Variants in ALDH18A1 observed in about 807,000 individuals in gnomAD.
ALDH18A1 encodes the protein aldehyde dehydrogenase 18 family member A1, also known as delta-1-pyrroline-5-carboxylate synthase.
Under a neutral mutation model 88.8 loss-of-function variants are expected in ALDH18A1, and 44 were observed. The observed-to-expected ratio is 0.50, with a 90% CI of 0.39 to 0.64. ALDH18A1 has a LOEUF of 0.64. Ranked by LOEUF, ALDH18A1 falls within the 30% of genes least tolerant of loss-of-function variation. The probability of loss-of-function intolerance (pLI) is 0.00; values close to 1 mark genes in which losing one functional copy is unlikely to be tolerated. For synonymous variants in ALDH18A1, 331 were observed against 372.1 expected (o/e 0.89, Z 1.27); for missense variants, 782 against 1,009.5 (o/e 0.77, Z 3.05).
At chr10:95,631,344 T>A (rs927009091) in intron 7 of ALDH18A1, among the ~76,000 whole-genome samples, 5 of 151,928 alleles carry the variant, frequency 3.3e-5, no homozygotes, top group African/African-American at 4.8e-5. Context: ...ACAAAAAAAA[T>A]CCACAATCTG....
rs759465204 is a variant in ALDH18A1, at chr10:95,653,303, G to A, written c.75C>T (p.Thr25=). The A allele has an allele frequency of 8.7e-6, 14 of 1,611,778 alleles. No homozygotes were observed. Among genetic ancestry groups the A allele is most frequent in the East Asian group, 2.2e-5 (1 of 44,858 alleles). ...TATGGTACATACGAGATCTGAAGAC[G>A]GTTGTACACTTGACCCAGGGCAGAA... The part of the protein sequence containing the change: ...QHLLPWVKCT[T]VFRSHCIQPS... The change falls in exon 2 of 18, where the codon ACC becomes ACT. Residue 25 remains threonine, a synonymous_variant. Transcript: ENST00000371224.
In ALDH18A1 at chr10:95,639,788, T is replaced by C. The variant is rs528717653; in HGVS notation, c.304-2352A>G. On this transcript the variant is annotated intron_variant, in intron 3 of 17. Coordinates refer to ENST00000371224, the MANE Select transcript of ALDH18A1 (RefSeq NM_002860.4). ...CATGGGTTCCCTTCTCCATCAGTTT[T>C]CCCCCTTGTAATTTTTTGTTAAACT... Among the ~76,000 whole-genome samples, 18 of 152,232 alleles carry C rather than the reference T, an allele frequency of 1.2e-4. 1 individual carries two copies. The South Asian group carries it at 3.7e-3, about 32-fold the overall frequency.
intron 10 of ALDH18A1, among the ~76,000 whole-genome samples, chr10:95,625,869 A>G (rs574645386): frequency 2.0e-5 from 3 of 152,234 alleles, no homozygotes; most frequent in East Asian, 1.9e-4. Flanking sequence ...CATGTTACAT[A>G]GAGTCTTACA....
chr10:95,631,766 C>A lies in ALDH18A1; in HGVS notation c.808+1193G>T, dbSNP rs369732279. On this transcript the variant is annotated intron_variant, in intron 7 of 17. Coordinates refer to ENST00000371224, the MANE Select transcript of ALDH18A1 (RefSeq NM_002860.4). ...TCAAAAAAAAAAAAAAAAAAAAAAA[C>A]AACTGAATAACAGCAATGATGTAAA... is the stretch of plus-strand genomic sequence containing the variant. 2.3e-3 allele frequency among the ~76,000 whole-genome samples: 185 copies of A among 80,474 alleles called. 2 individuals are homozygous for A. The highest frequency in any genetic ancestry group is 7.3e-3 in the African/African-American group (158 of 21,584). 52.8% of individuals were successfully genotyped at this position (80,474 alleles called of 152,430 possible). A position where few individuals can be genotyped will look rare whatever the true frequency, so the allele number is the denominator to read the frequency against.
chr10:95,618,231 T>TG (rs1291576018), intron 12 of ALDH18A1, among the ~76,000 whole-genome samples: 1 of 152,156 alleles, frequency 6.6e-6, no homozygotes, highest in Non-Finnish European at 1.5e-5. Context: ...AATGACACCT[T>TG]GTATTTCCCA....
chr10:95,632,684 A>T (rs552302186), intron 7 of ALDH18A1, among the ~76,000 whole-genome samples: 1 of 152,306 alleles, frequency 6.6e-6, no homozygotes, highest in South Asian at 2.1e-4. Context: ...ACTTCAAATA[A>T]GTGAATTGTA....
chr10:95,613,801 G>T lies in ALDH18A1; in HGVS notation c.1864C>A (p.Arg622=). 1 of 1,614,022 alleles carries T rather than the reference G, an allele frequency of 6.2e-7. No homozygotes were observed. The highest frequency in any genetic ancestry group is 8.5e-7 in the Non-Finnish European group (1 of 1,179,978). The part of the protein sequence containing the change: ...CNALETLLIH[R]DLLRTPLFDQ... ...AATAATGGTGTCCTGAGCAGATCCC[G>T]GTGGATTAACAAAGTCTCCAAAGCA... is the stretch of plus-strand genomic sequence containing the variant. The change falls in exon 15 of 18, where the codon CGG becomes AGG. Residue 622 remains arginine, a synonymous_variant. Transcript: ENST00000371224.
chr10:95,632,827 G>A, intron 7 of ALDH18A1, 132 bp downstream of exon 7: 1 of 794,472 alleles, frequency 1.3e-6, no homozygotes, highest in Non-Finnish European at 2.2e-6. Context: ...AAAGCCCTTT[G>A]TCAGAACATA....
At position 95,614,027 on chromosome 10, in the gene ALDH18A1, G is replaced by C. The variant is rs139035272; in HGVS notation, c.1740C>G (p.Ser580Arg). The C allele has an allele frequency of 2.9e-5, 47 of 1,614,054 alleles. No homozygotes were observed. Among genetic ancestry groups the C allele is most frequent in the Non-Finnish European group, 4.0e-5 (47 of 1,180,044 alleles). The change falls in exon 14 of 18, where the codon AGC becomes AGG. Residue 580 changes from serine (S) to arginine (R), a missense_variant. Ser to Arg is a moderately radical substitution (Grantham distance 110). Around this residue, in one of 3 missense-constraint regions of ALDH18A1, gnomAD observed 556 missense variants for 654.5 expected, o/e 0.85. Coordinates refer to ENST00000371224, the MANE Select transcript of ALDH18A1 (RefSeq NM_002860.4). The stretch of plus-strand genomic sequence containing the variant: ...CCACATACATGTGACAGATCCCTTC[G>C]CTGTGCCCCATCACTGGAATCCCCT... ...AAKGIPVMGH[S>R]EGICHMYVDS...
At chr10:95,614,272 G>T in intron 13 of ALDH18A1, 111 bp from the exon 14 acceptor site, 1 of 1,180,640 alleles carries the variant, frequency 8.5e-7, no homozygotes, top group South Asian at 1.3e-5. Flanking sequence ...AACTAAGTGA[G>T]ACACTGTGAA....
At chr10:95,634,501 A>T (rs2097876972) in intron 5 of ALDH18A1, among the ~76,000 whole-genome samples, 1 of 152,228 alleles carries the variant, frequency 6.6e-6, no homozygotes, top group Non-Finnish European at 1.5e-5. Flanking sequence ...TATTAGACAA[A>T]ATGGAATAGG....
intron 2 of ALDH18A1, among the ~76,000 whole-genome samples, chr10:95,644,387 T>C (rs1164494624): frequency 2.0e-5 from 3 of 152,188 alleles, no homozygotes; most frequent in Non-Finnish European, 4.4e-5. Context: ...CTTTTTCTTG[T>C]AACACTGTAC....
At chr10:95,652,500 C>T (rs2097911875) in intron 2 of ALDH18A1, among the ~76,000 whole-genome samples, 1 of 152,012 alleles carries the variant, frequency 6.6e-6, no homozygotes, top group Admixed American at 6.5e-5. Context: ...GGGAGGGAGG[C>T]CGAGGCGGGC....
Position 95,606,406 on chromosome 10 carries a change from C to A in ALDH18A1, c.*356G>T. The A allele has an allele frequency of 8.8e-7, 1 of 1,139,116 alleles. No homozygotes were observed. The allele number at this position is 1,139,116 out of a possible 1,614,324, so 70.6% of individuals were successfully genotyped here. The stretch of plus-strand genomic sequence containing the variant: ...TGTTAAGGATGACTGGCTCTAGTAC[C>A]AACTAAATGCCAAGGGGGACTGTAA... On this transcript the variant is annotated 3_prime_UTR_variant, in exon 18 of 18. Coordinates refer to ENST00000371224, the MANE Select transcript of ALDH18A1 (RefSeq NM_002860.4).
chr10:95,615,768 AG>A (rs2097843172), intron 13 of ALDH18A1, among the ~76,000 whole-genome samples: 1 of 152,318 alleles, frequency 6.6e-6, no homozygotes, highest in African/African-American at 2.4e-5. Flanking sequence ...AATGAGCCAA[AG>A]AAAAAAAAGG....
At chr10:95,646,397 C>T (rs1249710076) in intron 2 of ALDH18A1, among the ~76,000 whole-genome samples, 1 of 152,108 alleles carries the variant, frequency 6.6e-6, no homozygotes, top group Non-Finnish European at 1.5e-5. Flanking sequence ...GTCATTCTGG[C>T]TGGAGACAAT....
intron 1 of ALDH18A1, among the ~76,000 whole-genome samples, chr10:95,655,936 C>T (rs770625760): frequency 5.3e-5 from 8 of 152,166 alleles, no homozygotes; most frequent in Non-Finnish European, 1.0e-4. Context: ...TGGCTCACCA[C>T]TTAAATACAA....
chr10:95,626,647 T>C (rs1289305169), intron 10 of ALDH18A1, 56 bp downstream of exon 10: 1 of 1,563,280 alleles, frequency 6.4e-7, no homozygotes, highest in Non-Finnish European at 8.8e-7. Flanking sequence ...CTCCTGTAAC[T>C]ACACAGCATG....
At chr10:95,623,738 T>C (rs1236170150) in intron 11 of ALDH18A1, among the ~76,000 whole-genome samples, 1 of 152,198 alleles carries the variant, frequency 6.6e-6, no homozygotes, top group Admixed American at 6.5e-5. Context: ...GCTAATTTTG[T>C]ATTTTTAGTA....
Sources: allele counts gnomAD v4.1 joint callset (sites outside exome capture counted in the v4.1 genomes callset), GRCh38; gene constraint gnomAD v4.1.1; regional missense constraint gnomAD v4.1.1; transcripts MANE v1.5; gene names NCBI Gene and HGNC (gene_info 2026-07-23, HGNC 2026-07-21).